Variants in PDE7A observed in about 807,000 individuals in gnomAD.
PDE7A encodes phosphodiesterase 7A, also known as high affinity 3',5'-cyclic-AMP phosphodiesterase 7A.
PDE7A carries 39 observed loss-of-function variants against 64.3 expected under a neutral mutation model. The observed-to-expected ratio is 0.61, with a 90% confidence interval of 0.47 to 0.79. The LOEUF is 0.79. Ranked by LOEUF, PDE7A falls within the 30% of genes least tolerant of loss-of-function variation. The pLI is 0.00. For missense variants in PDE7A, 470 were observed against 582.8 expected (o/e 0.81, Z 1.99); for synonymous variants, 203 against 206.8 (o/e 0.98, Z 0.16).
intron 1 of PDE7A, among the ~76,000 whole-genome samples, chr8:65,814,869 G>A (rs1338282079): frequency 6.6e-6 from 1 of 152,066 alleles, no homozygotes; most frequent in Non-Finnish European, 1.5e-5. Context: ...ATCACCTGAG[G>A]TCAGGAGTTC....
chr8:65,733,744 G>GAT (rs1301667798), intron 7 of PDE7A, among the ~76,000 whole-genome samples: 2 of 152,106 alleles, frequency 1.3e-5, no homozygotes, highest in African/African-American at 4.8e-5. Flanking sequence ...TAAAAGTCAT[G>GAT]ATATATATAC....
chr8:65,717,740 T>C lies in PDE7A; in HGVS notation c.*1550A>G, dbSNP rs1292598361. Reference sequence around the variant, plus strand: ...TAACAGCAACAGGCACATATTAAAATGAGTATGGCAAAGCCTTTTACAAAT... The same window carrying C: ...TAACAGCAACAGGCACATATTAAAACGAGTATGGCAAAGCCTTTTACAAAT... On this transcript the variant is annotated 3_prime_UTR_variant, in exon 13 of 13. Coordinates refer to ENST00000401827, the MANE Select transcript of PDE7A (RefSeq NM_001242318.3). The C allele has an allele frequency of 2.0e-5, 3 of 152,236 alleles. No individual in the cohort carries two copies. Among genetic ancestry groups the C allele is most frequent in the Non-Finnish European group, 2.9e-5 (2 of 68,042 alleles). The allele number at this position is 152,236 out of a possible 1,614,324, so 9.4% of individuals were successfully genotyped here. A position where few individuals can be genotyped will look rare whatever the true frequency, so the allele number is the denominator to read the frequency against.
At chr8:65,776,692 GT>G (rs1321010374) in intron 3 of PDE7A, among the ~76,000 whole-genome samples, 2 of 151,912 alleles carry the variant, frequency 1.3e-5, no homozygotes, top group Non-Finnish European at 2.9e-5. Context: ...TGTTAATTTT[GT>G]CACTGTTACT....
chr8:65,778,397 T>C lies in PDE7A; in HGVS notation c.283+1323A>G, dbSNP rs1052530561. Among the ~76,000 whole-genome samples, 7 of 152,264 alleles carry C rather than the reference T, an allele frequency of 4.6e-5. No homozygotes were observed. The South Asian group carries it at 1.5e-3, about 32-fold the overall frequency. On this transcript the variant is annotated intron_variant, in intron 3 of 12. Coordinates refer to ENST00000401827, the MANE Select transcript of PDE7A (RefSeq NM_001242318.3). ...GAAGCCATCTTGGAGGTTCCAGCCC[T>C]GGAAGATGACATGAGATGGACCAAG...
chr8:65,750,924 A>G (rs556766111), intron 3 of PDE7A, among the ~76,000 whole-genome samples: 8 of 152,362 alleles, frequency 5.3e-5, no homozygotes, highest in African/African-American at 1.9e-4. Context: ...CAAGGAAATG[A>G]TCACTCATCA....
rs181127273 is a variant in PDE7A, at chr8:65,811,134, G to T, written c.139-28291C>A. 1.5e-3 allele frequency among the ~76,000 whole-genome samples: 231 copies of T among 152,270 alleles called. 1 individual carries two copies. The highest frequency in any genetic ancestry group is 5.2e-3 in the African/African-American group (217 of 41,550). On this transcript the variant is annotated intron_variant, in intron 1 of 12. Coordinates refer to ENST00000401827, the MANE Select transcript of PDE7A (RefSeq NM_001242318.3). Reference sequence around the variant, plus strand: ...TAGCGGTTAAAATGAACAGGAGGAGGAAGTGGAGAAAAAAAGGAGGAAGAT... The same window carrying T: ...TAGCGGTTAAAATGAACAGGAGGAGTAAGTGGAGAAAAAAAGGAGGAAGAT...
intron 1 of PDE7A, among the ~76,000 whole-genome samples, chr8:65,822,546 AACAGTATCC>A (rs1323175497): frequency 6.6e-6 from 1 of 152,212 alleles, no homozygotes; most frequent in Non-Finnish European, 1.5e-5. Context: ...AAGTGAAATA[AACAGTATCC>A]ACTCTTAAGA....
At chr8:65,744,698 T>G (rs1807593456) in intron 5 of PDE7A, among the ~76,000 whole-genome samples, 1 of 152,178 alleles carries the variant, frequency 6.6e-6, no homozygotes, top group Non-Finnish European at 1.5e-5. Flanking sequence ...ATGGCCACAA[T>G]CTAAAAGAAA....
intron 3 of PDE7A, among the ~76,000 whole-genome samples, chr8:65,769,485 C>A (rs62507643): frequency 1.3e-5 from 2 of 152,172 alleles, no homozygotes; most frequent in Non-Finnish European, 2.9e-5. Flanking sequence ...ATCAAAATCC[C>A]TCTATCTTGT....
At chr8:65,761,390 CTG>C (rs532402443) in intron 3 of PDE7A, among the ~76,000 whole-genome samples, 294 of 152,288 alleles carry the variant, frequency 1.9e-3, no homozygotes, top group Non-Finnish European at 3.5e-3. Context: ...CATGAGCTCA[CTG>C]TGACATGAGA....
At chr8:65,739,279 T>C (rs1366400642) in intron 6 of PDE7A, among the ~76,000 whole-genome samples, 2 of 152,202 alleles carry the variant, frequency 1.3e-5, no homozygotes, top group African/African-American at 4.8e-5. Context: ...AGCCCACCTG[T>C]TGCTGTCTGC....
chr8:65,767,940 C>G (rs1162197762), intron 3 of PDE7A, among the ~76,000 whole-genome samples: 1 of 152,098 alleles, frequency 6.6e-6, no homozygotes, highest in African/African-American at 2.4e-5. Context: ...TTCCAGAGGC[C>G]AGGACTTGTG....
intron 1 of PDE7A, among the ~76,000 whole-genome samples, chr8:65,829,852 C>T (rs1340833656): frequency 6.6e-6 from 1 of 152,000 alleles, no homozygotes; most frequent in East Asian, 1.9e-4. Context: ...TGGAGAGCAG[C>T]AAAATACAGC....
At position 65,747,696 on chromosome 8, in the gene PDE7A, T is replaced by C. The variant is rs1807742462; in HGVS notation, c.391A>G (p.Asn131Asp). ...TCATCATCTAAAATGTTTAGGGAAT[T>C]TGAAACCGCAGTACCACGAAAAAAG... ...SRFFRGTAVS[N>D]SLNILDDDYN... is the part of the protein sequence containing the mutation. Residue 131 changes from asparagine to aspartate, a missense_variant, in exon 4 of 13, where the codon AAT (asparagine) becomes GAT (aspartate). By Grantham distance (23) the Asn-to-Asp change is conservative. Coordinates refer to ENST00000401827, the MANE Select transcript of PDE7A (RefSeq NM_001242318.3). 2 of 1,611,852 alleles carry C rather than the reference T, an allele frequency of 1.2e-6. No homozygotes were observed. Among genetic ancestry groups the C allele is most frequent in the African/African-American group, 2.7e-5 (2 of 74,898 alleles).
intron 3 of PDE7A, among the ~76,000 whole-genome samples, chr8:65,752,603 A>G (rs1481091824): frequency 6.6e-6 from 1 of 152,174 alleles, no homozygotes; most frequent in Non-Finnish European, 1.5e-5. Flanking sequence ...TTAAAGGCCA[A>G]TTACTTTACT....
At chr8:65,741,760 T>C (rs1251066055) in intron 5 of PDE7A, among the ~76,000 whole-genome samples, 1 of 152,270 alleles carries the variant, frequency 6.6e-6, no homozygotes, top group East Asian at 1.9e-4. Flanking sequence ...TTAGAATGTT[T>C]ATTCATTCTC....
At chr8:65,733,700 G>A (rs1007792176) in intron 7 of PDE7A, among the ~76,000 whole-genome samples, 3 of 152,128 alleles carry the variant, frequency 2.0e-5, no homozygotes, top group Non-Finnish European at 4.4e-5. Context: ...CTGTATTACT[G>A]CATGTAAGTT....
At chr8:65,760,288 T>C (rs992871557) in intron 3 of PDE7A, among the ~76,000 whole-genome samples, 1 of 152,222 alleles carries the variant, frequency 6.6e-6, no homozygotes, top group Admixed American at 6.5e-5. Flanking sequence ...AATAAATATA[T>C]GTAACATCAC....
At chr8:65,778,595 C>T (rs1012400896) in intron 3 of PDE7A, among the ~76,000 whole-genome samples, 1 of 152,144 alleles carries the variant, frequency 6.6e-6, no homozygotes, top group African/African-American at 2.4e-5. Context: ...TTATTTTATG[C>T]CAATAAGTTT....
Sources: allele counts gnomAD v4.1 joint callset (sites outside exome capture counted in the v4.1 genomes callset), GRCh38; gene constraint gnomAD v4.1.1; transcripts MANE v1.5; gene names NCBI Gene and HGNC (gene_info 2026-07-23, HGNC 2026-07-21).